SPATA6L: variants seen among roughly 807,000 people sequenced by gnomAD.
The protein encoded by SPATA6L is spermatogenesis associated 6 like, also known as spermatogenesis associated 6-like protein.
Under a neutral mutation model 49.2 loss-of-function variants are expected in SPATA6L, and 68 were observed. The ratio of observed to expected loss-of-function variants is 1.38; its 90% CI spans 1.14 to 1.69. SPATA6L has a LOEUF of 1.69. Ranked by LOEUF, SPATA6L falls within the 40% of genes most tolerant of loss-of-function variation. The pLI is 0.00. For synonymous variants in SPATA6L, 198 were observed against 165.7 expected (o/e 1.19, Z -1.50); for missense variants, 668 against 464.3 (o/e 1.44, Z -4.03).
At chr9:4,609,852 A>G (rs1330000106) in intron 9 of SPATA6L, among the ~76,000 whole-genome samples, 1 of 151,982 alleles carries the variant, frequency 6.6e-6, no homozygotes, top group Non-Finnish European at 1.5e-5. Flanking sequence ...GAAGAAGTCA[A>G]ATTGTCCCTG....
At chr9:4,637,049 G>A (rs555576961) in intron 3 of SPATA6L, among the ~76,000 whole-genome samples, 8 of 152,150 alleles carry the variant, frequency 5.3e-5, no homozygotes, top group Admixed American at 2.6e-4. Flanking sequence ...GCTTCCCATC[G>A]CATTAGAATA....
Position 4,599,354 on chromosome 9 carries a change from T to C in SPATA6L, c.*1457A>G, listed in dbSNP as rs1286018277. On this transcript the variant is annotated 3_prime_UTR_variant, in exon 12 of 12. Coordinates refer to ENST00000682582, the MANE Select transcript of SPATA6L (RefSeq NM_001353486.2). ...GGATAAATGAATTTTGTTTTGTTGT[T>C]TTTGTTTTTGGAGTTCCTTTTCTGT... Among the ~76,000 whole-genome samples the C allele has an allele frequency of 6.6e-6, 1 of 152,216 alleles. No homozygotes were observed. The highest frequency in any genetic ancestry group is 2.4e-5 in the African/African-American group (1 of 41,454).
At chr9:4,621,232 C>T (rs1302861956) in intron 7 of SPATA6L, among the ~76,000 whole-genome samples, 5 of 152,190 alleles carry the variant, frequency 3.3e-5, no homozygotes. Flanking sequence ...TCACTACTGG[C>T]ATGATTCATG....
In SPATA6L at chr9:4,666,212, C is replaced by T. The variant is rs781327260; in HGVS notation, c.39G>A (p.Ala13=). The stretch of plus-strand genomic sequence containing the variant: ...GAGGGGGAGTTCATCGATCTCTTAC[C>T]GCCCGGATCTGCAGCTCCACCACCA... ...LEVVVELQIR[A]ISCPGVFLPG... is the part of the protein sequence containing the mutation. Residue 13 remains alanine, a splice_region_variant and synonymous_variant, in exon 1 of 12, where the codon GCG becomes GCA. Transcript: ENST00000682582. 1.8e-5 allele frequency: 29 copies of T among 1,614,070 alleles called. No individual in the cohort carries two copies. The highest frequency in any genetic ancestry group is 2.5e-5 in the Non-Finnish European group (29 of 1,179,986).
intron 3 of SPATA6L, among the ~76,000 whole-genome samples, chr9:4,653,401 A>G (rs73395708): frequency 0.037 from 5,637 of 152,316 alleles, 330 homozygotes; most frequent in African/African-American, 0.13. Flanking sequence ...CTATAAAACC[A>G]TTAGAAGAAA....
At chr9:4,612,141 A>T (rs1826916665) in intron 9 of SPATA6L, among the ~76,000 whole-genome samples, 3 of 151,906 alleles carry the variant, frequency 2.0e-5, no homozygotes, top group Admixed American at 6.6e-5. Flanking sequence ...TGCAGAGCTC[A>T]CTTTCAAATA....
chr9:4,607,740 C>T (rs1473261901), intron 9 of SPATA6L, among the ~76,000 whole-genome samples: 2 of 152,044 alleles, frequency 1.3e-5, no homozygotes, highest in South Asian at 2.1e-4. Flanking sequence ...CATCAACTAA[C>T]GAGCAAAATA....
chr9:4,613,772 CG>C lies in SPATA6L; in HGVS notation c.995+4150del, dbSNP rs1337659215. ...CGAATTTTTGTATTTTTCGTAGAGA[CG>C]GGGTTTTGCCTTGTTGGCCAGGCTG... On this transcript the variant is annotated intron_variant, in intron 9 of 11. Transcript: ENST00000682582. 9.9e-5 allele frequency among the ~76,000 whole-genome samples: 15 copies of C among 152,144 alleles called. 1 individual carries two copies. The highest frequency in any genetic ancestry group is 3.6e-4 in the African/African-American group (15 of 41,506).
intron 3 of SPATA6L, among the ~76,000 whole-genome samples, chr9:4,638,218 TA>T (rs766680471): frequency 0.11 from 17,415 of 152,160 alleles, 1,993 homozygotes; most frequent in African/African-American, 0.3. Context: ...TTATTATTAT[TA>T]TTATTTTTTG....
intron 9 of SPATA6L, among the ~76,000 whole-genome samples, chr9:4,615,951 A>G (rs1354209888): frequency 6.6e-6 from 1 of 152,168 alleles, no homozygotes; most frequent in Non-Finnish European, 1.5e-5. Context: ...ATCTTTGATC[A>G]TCAAACCCAT....
intron 9 of SPATA6L, among the ~76,000 whole-genome samples, chr9:4,611,788 TAA>T (rs1202287988): frequency 2.0e-5 from 3 of 150,994 alleles, no homozygotes; most frequent in African/African-American, 7.4e-5. Context: ...CCCTAAAACT[TAA>T]AGTATAATAA....
chr9:4,656,800 C>T (rs1228618209), intron 2 of SPATA6L, among the ~76,000 whole-genome samples: 2 of 152,202 alleles, frequency 1.3e-5, no homozygotes, highest in Admixed American at 6.5e-5. Context: ...GAAAAACATT[C>T]TGTATACAAC....
chr9:4,646,612 A>G (rs1304648230), intron 3 of SPATA6L: 2 of 682,920 alleles, frequency 2.9e-6, no homozygotes, highest in Non-Finnish European at 4.6e-6. Flanking sequence ...CTGTCATAAA[A>G]CCCACTTAAT....
In SPATA6L at chr9:4,626,152, C is replaced by T. The variant is rs111803569; in HGVS notation, c.430-586G>A. ...AGGCTGGAGGAGACACAGTGACTGG[C>T]TACTTCCAGTTTTGCATTCTATTCC... On this transcript the variant is annotated intron_variant, in intron 5 of 11. Coordinates refer to ENST00000682582, the MANE Select transcript of SPATA6L (RefSeq NM_001353486.2). 1,793 of 197,866 alleles carry T rather than the reference C, an allele frequency of 9.1e-3. 29 individuals carry two copies. Among genetic ancestry groups the T allele is most frequent in the African/African-American group, 0.037 (1,587 of 43,192 alleles). 12.3% of individuals were successfully genotyped at this position (197,866 alleles called of 1,614,324 possible).
At chr9:4,643,436 C>T (rs907764046) in intron 3 of SPATA6L, among the ~76,000 whole-genome samples, 1 of 152,056 alleles carries the variant, frequency 6.6e-6, no homozygotes, top group Admixed American at 6.5e-5. Context: ...GTTTAAAAGG[C>T]ATGGTTCAAT....
chr9:4,655,136 A>C (rs1407640168), intron 3 of SPATA6L, among the ~76,000 whole-genome samples: 1 of 152,242 alleles, frequency 6.6e-6, no homozygotes. Context: ...AAAAGTGGAA[A>C]CAACCCAAAT....
At chr9:4,607,084 A>G (rs1173369668) in intron 9 of SPATA6L, among the ~76,000 whole-genome samples, 1 of 151,780 alleles carries the variant, frequency 6.6e-6, no homozygotes, top group Admixed American at 6.6e-5. Context: ...CGAGAAGGGA[A>G]GTTTAGAGAA....
intron 6 of SPATA6L, among the ~76,000 whole-genome samples, chr9:4,623,297 T>A (rs1261914686): frequency 6.6e-6 from 1 of 151,632 alleles, no homozygotes; most frequent in African/African-American, 2.4e-5. Flanking sequence ...ATAATAATAA[T>A]AAATAATAAT....
At chr9:4,605,980 G>C (rs1189997583) in intron 9 of SPATA6L, among the ~76,000 whole-genome samples, 1 of 152,158 alleles carries the variant, frequency 6.6e-6, no homozygotes, top group Non-Finnish European at 1.5e-5. Flanking sequence ...GAAGCAGGGC[G>C]AGGCATTGCC....
Sources: gnomAD v4.1 joint callset for allele counts (sites outside exome capture counted in the v4.1 genomes callset) on GRCh38, gnomAD v4.1.1 for gene constraint, MANE v1.5 for transcripts, NCBI Gene and HGNC (gene_info 2026-07-23, HGNC 2026-07-21) for gene names.